Variants in HYDIN observed in about 807,000 individuals in gnomAD.
HYDIN encodes the protein axonemal central pair apparatus protein HYDIN.
HYDIN carries 132 observed loss-of-function variants against 403.9 expected under a neutral mutation model. The ratio of observed to expected loss-of-function variants is 0.33; its 90% CI spans 0.28 to 0.38. The LOEUF (loss-of-function observed/expected upper bound fraction) is 0.38. Among genes scored for constraint, HYDIN ranks in the 10% least tolerant of loss-of-function variants. The pLI, the probability that HYDIN is intolerant of heterozygous loss-of-function variation, is 1.00. For synonymous variants in HYDIN, 1,202 were observed against 1,891.7 expected, an observed-to-expected ratio of 0.64 and a Z score of 9.46; for missense variants, 2,827 against 5,009.5, an observed-to-expected ratio of 0.56 and a Z score of 13.15.
At chr16:70,869,974 T>C (rs1254149160) in intron 65 of HYDIN, among the ~76,000 whole-genome samples, 2 of 149,580 alleles carry the variant, frequency 1.3e-5, no homozygotes, top group Non-Finnish European at 3.0e-5. Flanking sequence ...GCTGAGATGA[T>C]TCCTGGAGAT....
chr16:71,139,727 C>T (rs945247101), intron 7 of HYDIN, among the ~76,000 whole-genome samples: 1 of 151,714 alleles, frequency 6.6e-6, no homozygotes, highest in Non-Finnish European at 1.5e-5. Flanking sequence ...ATGAAAAATA[C>T]AGTGGATAAG....
intron 1 of HYDIN, among the ~76,000 whole-genome samples, chr16:71,219,020 A>G (rs1460921725): frequency 6.6e-6 from 1 of 152,204 alleles, no homozygotes; most frequent in African/African-American, 2.4e-5. Context: ...AGTACTGGTA[A>G]TTGTTTTCAG....
chr16:71,043,655 A>G (rs2144205303), intron 18 of HYDIN, among the ~76,000 whole-genome samples: 1 of 151,952 alleles, frequency 6.6e-6, no homozygotes, highest in Non-Finnish European at 1.5e-5. Context: ...TGAGATTTTT[A>G]ATTGTCATTT....
chr16:71,182,278 G>T (rs1597969594), intron 3 of HYDIN, among the ~76,000 whole-genome samples: 1 of 152,212 alleles, frequency 6.6e-6, no homozygotes, highest in East Asian at 1.9e-4. Flanking sequence ...TTTAAACATG[G>T]AAGTAACATG....
chr16:70,961,638 C>A (rs951056150), intron 38 of HYDIN, among the ~76,000 whole-genome samples: 8 of 152,134 alleles, frequency 5.3e-5, no homozygotes, highest in Admixed American at 1.3e-4. Context: ...GAATGTCCCC[C>A]ATCCCCATAA....
intron 73 of HYDIN, among the ~76,000 whole-genome samples, chr16:70,853,891 T>G (rs899384904): frequency 4.2e-5 from 6 of 143,482 alleles, no homozygotes; most frequent in African/African-American, 1.8e-4. Flanking sequence ...CTTCTTTCTT[T>G]CTTTTTTTTT....
At chr16:71,194,267 T>C (rs543825869) in intron 1 of HYDIN, among the ~76,000 whole-genome samples, 8 of 152,078 alleles carry the variant, frequency 5.3e-5, no homozygotes, top group African/African-American at 1.7e-4. Context: ...AAAAATTAGC[T>C]GGGCGTGGTG....
intron 75 of HYDIN, among the ~76,000 whole-genome samples, chr16:70,846,919 T>G (rs1209106590): frequency 1.6e-5 from 2 of 128,654 alleles, no homozygotes; most frequent in African/African-American, 5.9e-5. Context: ...ATCCTTTTAT[T>G]TTGAGCCTAT....
At chr16:71,039,669 G>A (rs988136834) in intron 18 of HYDIN, among the ~76,000 whole-genome samples, 6 of 152,132 alleles carry the variant, frequency 3.9e-5, no homozygotes, top group African/African-American at 7.2e-5. Context: ...GCAGATGGCC[G>A]GACTTCAGGG....
At chr16:71,068,790 C>T (rs1026690511) in intron 14 of HYDIN, among the ~76,000 whole-genome samples, 3 of 152,130 alleles carry the variant, frequency 2.0e-5, no homozygotes, top group African/African-American at 4.8e-5. Flanking sequence ...CAAGATAAGG[C>T]GCTGTTAGTG....
chr16:70,938,530 T>C (rs2077567969), intron 44 of HYDIN, 84 bp downstream of exon 44: 2 of 808,164 alleles, frequency 2.5e-6, no homozygotes, highest in Non-Finnish European at 2.0e-6. Context: ...GGAAGATGGC[T>C]TGGGCTCACA....
chr16:70,901,848 T>C (rs1399097619), intron 52 of HYDIN, among the ~76,000 whole-genome samples: 2 of 152,342 alleles, frequency 1.3e-5, no homozygotes, highest in East Asian at 1.9e-4. Flanking sequence ...CCTCCCAAAG[T>C]GCTGGGATTA....
At chr16:70,961,547 T>C (rs566001501) in intron 38 of HYDIN, among the ~76,000 whole-genome samples, 4 of 152,142 alleles carry the variant, frequency 2.6e-5, no homozygotes, top group Admixed American at 2.6e-4. Context: ...TTGGGGAAAA[T>C]AAATGCCAGA....
chr16:71,208,703 T>C (rs921049568), intron 1 of HYDIN, among the ~76,000 whole-genome samples: 15 of 151,980 alleles, frequency 9.9e-5, no homozygotes, highest in Middle Eastern at 3.4e-3. Context: ...ATAAACACAA[T>C]GAGAAATGAC....
chr16:71,042,453 T>TC (rs2081314288), intron 18 of HYDIN, among the ~76,000 whole-genome samples: 1 of 152,118 alleles, frequency 6.6e-6, no homozygotes, highest in Non-Finnish European at 1.5e-5. Flanking sequence ...TTGCCCACTC[T>TC]CCATGTCTCT....
rs1362017835 is a variant in HYDIN at position 70,864,344 on chromosome 16, A to C, written c.11472-1162T>G. Among the ~76,000 whole-genome samples, 79 of 42,558 alleles carry C rather than the reference A, an allele frequency of 1.9e-3. 5 individuals carry two copies. The highest frequency in any genetic ancestry group is 0.012 in the Middle Eastern group (1 of 84). 27.9% of individuals were successfully genotyped at this position (42,558 alleles called of 152,430 possible). On this transcript the variant is annotated intron_variant, in intron 67 of 85. Transcript: ENST00000393567. ...AGACTCCGGCTCAAAAAAAAAAAAA[A>C]AAAAAAAAAAAAAAAAAAAAAAAAA...
At chr16:71,222,868 T>C (rs1298185821) in intron 1 of HYDIN, among the ~76,000 whole-genome samples, 1 of 152,212 alleles carries the variant, frequency 6.6e-6, no homozygotes, top group African/African-American at 2.4e-5. Context: ...ATACACATCC[T>C]ATGCTCACGA....
intron 18 of HYDIN, among the ~76,000 whole-genome samples, chr16:71,039,426 C>T (rs6499402): frequency 1.5e-4 from 23 of 152,206 alleles, no homozygotes; most frequent in Non-Finnish European, 2.4e-4. Flanking sequence ...GGGTCCCTGG[C>T]GAAACCCTAC....
At chr16:70,819,518 ACTC>A (rs1330277361) in intron 83 of HYDIN, among the ~76,000 whole-genome samples, 1 of 143,724 alleles carries the variant, frequency 7.0e-6, no homozygotes, top group Non-Finnish European at 1.5e-5. Flanking sequence ...GGTTAGACTG[ACTC>A]CAGAGCTCAC....
Sources: gnomAD v4.1 joint callset for allele counts (sites outside exome capture counted in the v4.1 genomes callset) on GRCh38, gnomAD v4.1.1 for gene constraint, MANE v1.5 for transcripts, NCBI Gene and HGNC (gene_info 2026-07-23, HGNC 2026-07-21) for gene names.